Variants in MLPH observed in about 807,000 individuals in gnomAD.
MLPH encodes exophilin-3.
A neutral mutation model predicts 72.1 loss-of-function variants in MLPH; 51 were observed. The ratio of observed to expected loss-of-function variants is 0.71; its 90% CI spans 0.56 to 0.89. MLPH has a LOEUF of 0.89. MLPH is among the 40% of genes least tolerant of loss of function. MLPH has a pLI of 0.00. For synonymous variants in MLPH, 301 were observed against 310.1 expected, an observed-to-expected ratio of 0.97 and a Z score of 0.31; for missense variants, 743 against 759.9, an observed-to-expected ratio of 0.98 and a Z score of 0.26.
In MLPH at chr2:237,545,407, T is replaced by C. The variant is rs952842590; in HGVS notation, c.1540-1199T>C. 277 of 1,264,958 alleles carry C rather than the reference T, an allele frequency of 2.2e-4. 1 individual carries two copies. The highest frequency in any genetic ancestry group is 2.7e-4 in the Non-Finnish European group (264 of 972,622). The allele number at this position is 1,264,958 out of a possible 1,614,324, so 78.4% of individuals were successfully genotyped here. ...TCATAGCCAGTTAGCCAGCTGTGCC[T>C]TTGTTGGGGTTCATTTTTGTTTATT... On this transcript the variant is annotated intron_variant, in intron 12 of 15. Coordinates refer to ENST00000264605, the MANE Select transcript of MLPH (RefSeq NM_024101.7).
chr2:237,523,306 T>G (rs1392190478), intron 6 of MLPH, among the ~76,000 whole-genome samples: 2 of 151,794 alleles, frequency 1.3e-5, no homozygotes, highest in Non-Finnish European at 2.9e-5. Flanking sequence ...TTTGCAGGGG[T>G]TGGCTAAGGT....
chr2:237,513,285 C>T lies in MLPH; in HGVS notation c.445+2184C>T, dbSNP rs533495128. Among the ~76,000 whole-genome samples, 39 of 152,268 alleles carry T rather than the reference C, an allele frequency of 2.6e-4. No homozygotes were observed. In the South Asian group the frequency reaches 8.1e-3, roughly 32 times the overall value. On this transcript the variant is annotated intron_variant, in intron 4 of 15. Transcript: ENST00000264605. ...TCCATAGAGGACGCGGCAGGCTCTG[C>T]AGGAAGCAGCTTCGATGGCCGATGG... is the stretch of plus-strand genomic sequence containing the variant.
At chr2:237,533,171 C>T (rs535658778) in intron 8 of MLPH, among the ~76,000 whole-genome samples, 60 of 152,288 alleles carry the variant, frequency 3.9e-4, no homozygotes, top group South Asian at 8.3e-4. Context: ...TGGAGCAAGG[C>T]GCCCACCCAC....
intron 15 of MLPH, among the ~76,000 whole-genome samples, chr2:237,552,718 A>G (rs376787611): frequency 6.6e-6 from 1 of 152,216 alleles, no homozygotes; most frequent in African/African-American, 2.4e-5. Flanking sequence ...CACTAACCCA[A>G]ATTTGTAGCT....
At chr2:237,501,253 G>A (rs918679999) in intron 2 of MLPH, among the ~76,000 whole-genome samples, 1 of 152,098 alleles carries the variant, frequency 6.6e-6, no homozygotes, top group East Asian at 1.9e-4. Context: ...AGCTCTCTGG[G>A]CTCACATTGG....
chr2:237,499,471 A>C (rs1279227922), intron 2 of MLPH, among the ~76,000 whole-genome samples: 1 of 152,160 alleles, frequency 6.6e-6, no homozygotes, highest in East Asian at 1.9e-4. Flanking sequence ...AAAAGTCTTA[A>C]AAGTATGCTC....
chr2:237,525,566 C>A (rs757252051), intron 6 of MLPH, 35 bp from the exon 7 acceptor site: 2 of 1,606,942 alleles, frequency 1.2e-6, no homozygotes, highest in East Asian at 2.2e-5. Context: ...TCCTAGTAAA[C>A]CCTGCAGAGG....
At position 237,521,005 on chromosome 2, in the gene MLPH, T is replaced by C. The variant is rs150756080; in HGVS notation, c.675+976T>C. Among the ~76,000 whole-genome samples, 740 of 152,216 alleles carry C rather than the reference T, an allele frequency of 4.9e-3. 9 individuals carry two copies. Among genetic ancestry groups the C allele is most frequent in the African/African-American group, 0.017 (694 of 41,528 alleles). On this transcript the variant is annotated intron_variant, in intron 6 of 15. Transcript: ENST00000264605. ...TCCATTGCTAGCAAGAAGCCTAAGGTGTTTACACCTAGGGCTGCGAGCTTC... is the reference window on the plus strand; with the variant it reads ...TCCATTGCTAGCAAGAAGCCTAAGGCGTTTACACCTAGGGCTGCGAGCTTC...
chr2:237,493,905 C>T (rs1354235111), intron 2 of MLPH, among the ~76,000 whole-genome samples: 7 of 152,166 alleles, frequency 4.6e-5, no homozygotes, highest in Non-Finnish European at 4.4e-5. Context: ...GTCTTTAGGA[C>T]AGAGGCTGCC....
rs1263051949 is a variant in MLPH, at chr2:237,505,704, A to C, written c.111-4870A>C. Among the ~76,000 whole-genome samples the C allele has an allele frequency of 6.6e-6, 1 of 151,564 alleles. No homozygotes were observed. Among genetic ancestry groups the C allele is most frequent in the African/African-American group, 2.4e-5 (1 of 40,868 alleles). ...AATCCTGTCCAGACCCCATCATAGG[A>C]GCGGCCTTTCCTTCCTGTTCCCGTC... is the stretch of plus-strand genomic sequence containing the variant. On this transcript the variant is annotated intron_variant, in intron 2 of 15. Transcript: ENST00000264605. This position sits in a 1 kb window ranked among gnomAD's most constrained non-coding sequence, Gnocchi z 4.5.
chr2:237,530,124 GCT>G (rs1233095802), intron 8 of MLPH, among the ~76,000 whole-genome samples: 1 of 152,244 alleles, frequency 6.6e-6, no homozygotes, highest in African/African-American at 2.4e-5. Context: ...GCATCACCCA[GCT>G]CTTCAGCCAC....
At chr2:237,524,302 A>AATATATATAT (rs139706602) in intron 6 of MLPH, among the ~76,000 whole-genome samples, 88 of 127,376 alleles carry the variant, frequency 6.9e-4, no homozygotes, top group South Asian at 1.2e-3. Context: ...GAACTAATAG[A>AATATATATAT]ATATATATAT....
intron 2 of MLPH, among the ~76,000 whole-genome samples, chr2:237,504,451 C>G (rs1028867305): frequency 3.9e-5 from 6 of 152,192 alleles, no homozygotes; most frequent in Admixed American, 2.0e-4. Context: ...CTCCTGACCT[C>G]AGGTGATCCA....
chr2:237,517,685 G>GTGGATGGA (rs58713081), intron 4 of MLPH, among the ~76,000 whole-genome samples: 10 of 137,602 alleles, frequency 7.3e-5, no homozygotes, highest in East Asian at 4.4e-4. Context: ...GGGTAGATGG[G>GTGGATGGA]TGGATGGATG....
chr2:237,553,693 C>A lies in MLPH; in HGVS notation c.*101C>A, dbSNP rs757937045. 2 of 1,517,376 alleles carry A rather than the reference C, an allele frequency of 1.3e-6. No homozygotes were observed. Among genetic ancestry groups the A allele is most frequent in the Non-Finnish European group, 9.2e-7 (1 of 1,091,932 alleles). 94.0% of individuals were successfully genotyped at this position (1,517,376 alleles called of 1,614,324 possible). A position where few individuals can be genotyped will look rare whatever the true frequency, so the allele number is the denominator to read the frequency against. On this transcript the variant is annotated 3_prime_UTR_variant, in exon 16 of 16. Transcript: ENST00000264605. ...TGTGCTTTCCACTATACACAGTCAC[C>A]GTCCCAATGAGAAACAAGAAGGAGC...
In MLPH at chr2:237,525,672, T is replaced by C; in HGVS notation, c.747T>C (p.Thr249=). ...HKAEGLEEAD[T]GASGCHSHPE... is the part of the protein sequence containing the mutation. Reference sequence around the variant, plus strand: ...CTGAGGGCCTGGAGGAGGCTGATACTGGGGCCTCTGGGTGCCACTCCCATC... The same window carrying C: ...CTGAGGGCCTGGAGGAGGCTGATACCGGGGCCTCTGGGTGCCACTCCCATC... Residue 249 remains threonine, a synonymous_variant, in exon 7 of 16, where the codon ACT becomes ACC. Transcript: ENST00000264605. The C allele has an allele frequency of 1.2e-6, 2 of 1,614,180 alleles. No individual in the cohort carries two copies. Among genetic ancestry groups the C allele is most frequent in the Non-Finnish European group, 1.7e-6 (2 of 1,180,022 alleles).
At position 237,519,945 on chromosome 2, in the gene MLPH, C is replaced by A; in HGVS notation, c.591C>A (p.Phe197Leu). Residue 197 changes from phenylalanine to leucine, a missense_variant, in exon 6 of 16, where the codon TTC (phenylalanine) becomes TTA (leucine). By Grantham distance (22) the Phe-to-Leu change is conservative. Transcript: ENST00000264605. The part of the protein sequence containing the change: ...KRLLSVHDFD[F>L]EGDSDDSTQP... ...TCCTCTCCGTCCACGACTTCGACTTCGAGGGAGACTCAGATGACTCCACTC... is the reference window on the plus strand; with the variant it reads ...TCCTCTCCGTCCACGACTTCGACTTAGAGGGAGACTCAGATGACTCCACTC... 6.2e-7 allele frequency: 1 copy of A among 1,614,024 alleles called. No homozygotes were observed.
chr2:237,551,626 G>A (rs1265146171), intron 14 of MLPH, among the ~76,000 whole-genome samples: 1 of 152,236 alleles, frequency 6.6e-6, no homozygotes, highest in Non-Finnish European at 1.5e-5. Context: ...CCCAGGAGGT[G>A]CCCTCTGCTG....
At chr2:237,496,775 A>C (rs1419283837) in intron 2 of MLPH, among the ~76,000 whole-genome samples, 2 of 152,232 alleles carry the variant, frequency 1.3e-5, no homozygotes, top group African/African-American at 4.8e-5. Flanking sequence ...ATGAGCGTAG[A>C]GTACTGTGTT....
Sources: gnomAD v4.1 joint callset for allele counts (sites outside exome capture counted in the v4.1 genomes callset) on GRCh38, gnomAD v4.1.1 for gene constraint, Gnocchi (gnomAD v3.1) non-coding constraint, MANE v1.5 for transcripts, NCBI Gene and HGNC (gene_info 2026-07-23, HGNC 2026-07-21) for gene names.